CDH23: variants seen among roughly 807,000 people sequenced by gnomAD.
CDH23 encodes the protein cadherin related 23.
A neutral mutation model predicts 317.1 loss-of-function variants in CDH23; 189 were observed. That is an observed-to-expected ratio of 0.60 (90% CI 0.53 to 0.67). The LOEUF (loss-of-function observed/expected upper bound fraction) is 0.67, where lower values mean the gene tolerates loss of function less well. Ranked by LOEUF, CDH23 falls within the 30% of genes least tolerant of loss-of-function variation. CDH23 has a pLI of 0.00. For synonymous variants in CDH23, 1,839 were observed against 1,876.8 expected (o/e 0.98, Z 0.52); for missense variants, 4,401 against 4,592.4 (o/e 0.96, Z 1.20).
chr10:71,575,147 G>A (rs1403667823), intron 8 of CDH23, among the ~76,000 whole-genome samples: 1 of 152,222 alleles, frequency 6.6e-6, no homozygotes, highest in East Asian at 1.9e-4. Flanking sequence ...ACAATGCACA[G>A]AAAGCCACTT....
At chr10:71,798,094 A>G (rs1043524870) in intron 49 of CDH23, among the ~76,000 whole-genome samples, 6 of 152,108 alleles carry the variant, frequency 3.9e-5, no homozygotes, top group Admixed American at 1.3e-4. Flanking sequence ...TTTCTCATTG[A>G]GCAGTTTAGG....
intron 38 of CDH23, among the ~76,000 whole-genome samples, chr10:71,763,553 A>T (rs1306314985): frequency 6.6e-6 from 1 of 152,194 alleles, no homozygotes; most frequent in Non-Finnish European, 1.5e-5. Flanking sequence ...CCCAGCCAGG[A>T]GGGAGGCAGC....
At position 71,815,193 on chromosome 10, in the gene CDH23, C is replaced by T. The variant is rs1393090121; in HGVS notation, c.9980C>T (p.Ala3327Val). ...GAGGCCACTGCCTTCGAGCGCAACGCCCGCACAGAATCCGCCAAATCCACA... is the reference window on the plus strand; with the variant it reads ...GAGGCCACTGCCTTCGAGCGCAACGTCCGCACAGAATCCGCCAAATCCACA... Reference protein sequence around the residue: ...AAEATAFERNARTESAKSTPL... With the variant: ...AAEATAFERNVRTESAKSTPL... Residue 3327 changes from alanine to valine, a missense_variant, in exon 70 of 70, where the codon GCC (alanine) becomes GTC (valine). Transcript: ENST00000224721. The T allele has an allele frequency of 6.2e-7, 1 of 1,608,458 alleles. No homozygotes were observed. The highest frequency in any genetic ancestry group is 1.7e-5 in the Admixed American group (1 of 59,846).
At chr10:71,462,365 G>A (rs993910303) in intron 3 of CDH23, among the ~76,000 whole-genome samples, 19 of 152,336 alleles carry the variant, frequency 1.2e-4, no homozygotes, top group African/African-American at 4.1e-4. Flanking sequence ...GCGCCCCACC[G>A]CCATCTGCTT....
chr10:71,558,589 T>C (rs950058736), intron 6 of CDH23, among the ~76,000 whole-genome samples: 1 of 152,206 alleles, frequency 6.6e-6, no homozygotes, highest in Non-Finnish European at 1.5e-5. Flanking sequence ...CTGTCTTTCA[T>C]GTTAGAGGCT....
intron 14 of CDH23, among the ~76,000 whole-genome samples, chr10:71,656,164 G>A (rs1863408058): frequency 6.6e-6 from 1 of 152,210 alleles, no homozygotes; most frequent in Non-Finnish European, 1.5e-5. Context: ...GTAGGGAGGT[G>A]TAATGGCCAC....
At position 71,420,197 on chromosome 10, in the gene CDH23, A is replaced by G. The variant is rs184088170; in HGVS notation, c.-5-19630A>G. Among the ~76,000 whole-genome samples, 14 of 152,104 alleles carry G rather than the reference A, an allele frequency of 9.2e-5. No homozygotes were observed. In the South Asian group the frequency reaches 1.0e-3, roughly 11 times the overall value. On this transcript the variant is annotated intron_variant, in intron 1 of 69. Transcript: ENST00000224721. ...TCCTTTCTCTTTTCTAAAATACCAA[A>G]TTATCTTTTTTTTTCACTTTTATTT...
chr10:71,785,311 A>G lies in CDH23; in HGVS notation c.5712+211A>G, dbSNP rs1360209448. Among the ~76,000 whole-genome samples the G allele has an allele frequency of 2.0e-5, 3 of 152,220 alleles. No individual in the cohort carries two copies. The East Asian group carries it at 5.8e-4, about 29-fold the overall frequency. Reference sequence around the variant, plus strand: ...CCTAGAGCCAGCCCTGAAGCTTGTCATGTGCAGAGATGGGGCCAGAGCCTG... The same window carrying G: ...CCTAGAGCCAGCCCTGAAGCTTGTCGTGTGCAGAGATGGGGCCAGAGCCTG... On this transcript the variant is annotated intron_variant, in intron 43 of 69. Transcript: ENST00000224721.
chr10:71,557,340 C>G (rs1856920876), intron 6 of CDH23, among the ~76,000 whole-genome samples: 1 of 152,092 alleles, frequency 6.6e-6, no homozygotes, highest in African/African-American at 2.4e-5. Context: ...ATTTGATTTT[C>G]ATTTTTCTTA....
chr10:71,576,276 C>A (rs1487871927), intron 8 of CDH23, among the ~76,000 whole-genome samples: 1 of 152,234 alleles, frequency 6.6e-6, no homozygotes, highest in African/African-American at 2.4e-5. Context: ...TGCTTAGTGA[C>A]TCTCTGGGGT....
rs944405088 is a variant in CDH23 at position 71,726,671 on chromosome 10, G to A, written c.3579+1151G>A. Among the ~76,000 whole-genome samples the A allele has an allele frequency of 3.9e-5, 6 of 152,242 alleles. No homozygotes were observed. The South Asian group carries it at 1.2e-3, about 31-fold the overall frequency. Reference sequence around the variant, plus strand: ...CATAGCCATGCTGGCTTGCATGACTGTGAATCTTATTCGTGGGCTGGTCAG... The same window carrying A: ...CATAGCCATGCTGGCTTGCATGACTATGAATCTTATTCGTGGGCTGGTCAG... On this transcript the variant is annotated intron_variant, in intron 30 of 69. Coordinates refer to ENST00000224721, the MANE Select transcript of CDH23 (RefSeq NM_022124.6).
intron 50 of CDH23, 67 bp from the exon 51 acceptor site, chr10:71,799,044 T>C: frequency 6.7e-7 from 1 of 1,486,738 alleles, no homozygotes; most frequent in Non-Finnish European, 9.2e-7. Flanking sequence ...GTCTTTCTCC[T>C]CATACTTTGG....
At chr10:71,657,399 T>C (rs187139397) in intron 14 of CDH23, among the ~76,000 whole-genome samples, 18 of 152,360 alleles carry the variant, frequency 1.2e-4, no homozygotes, top group Admixed American at 1.2e-3. Context: ...ATGCCTGCTG[T>C]GTCAGACCTC....
intron 28 of CDH23, among the ~76,000 whole-genome samples, chr10:71,718,299 C>T (rs1866383246): frequency 6.6e-6 from 1 of 152,360 alleles, no homozygotes; most frequent in East Asian, 1.9e-4. Flanking sequence ...AGCCGCAGGA[C>T]CTCACTCCTG....
At chr10:71,687,812 A>G in intron 19 of CDH23, 93 bp downstream of exon 19, 1 of 1,187,536 alleles carries the variant, frequency 8.4e-7, no homozygotes, top group Non-Finnish European at 1.2e-6. Flanking sequence ...TCTGCACACA[A>G]ATTGTGGGAG....
chr10:71,617,500 G>T, intron 11 of CDH23, 107 bp downstream of exon 11: 1 of 1,521,554 alleles, frequency 6.6e-7, no homozygotes, highest in South Asian at 1.2e-5. Context: ...AAACATTGCG[G>T]CACCCCACTC....
At chr10:71,759,874 C>T (rs111872372) in intron 38 of CDH23, among the ~76,000 whole-genome samples, 5 of 70,268 alleles carry the variant, frequency 7.1e-5, no homozygotes, top group Admixed American at 1.6e-4. Flanking sequence ...CATATATATA[C>T]ACACACACAC....
Position 71,734,317 on chromosome 10 carries a change from C to T in CDH23, c.4182C>T (p.Gly1394=), listed in dbSNP as rs777502746. 9.3e-6 allele frequency: 15 copies of T among 1,610,812 alleles called. No homozygotes were observed. The highest frequency in any genetic ancestry group is 3.3e-5 in the South Asian group (3 of 90,374). The change falls in exon 33 of 70, where the codon GGC becomes GGT. Residue 1394 remains glycine (G), a synonymous_variant. Coordinates refer to ENST00000224721, the MANE Select transcript of CDH23 (RefSeq NM_022124.6). ...CCTTGACAGTGGTGGCAGATGACGGCGGCCCCAAGGTGGACTCCACCGTGG... is the reference window on the plus strand; with the variant it reads ...CCTTGACAGTGGTGGCAGATGACGGTGGCCCCAAGGTGGACTCCACCGTGG... The part of the protein sequence containing the change: ...FYTLTVVADD[G]GPKVDSTVKV...
chr10:71,648,886 G>A (rs1439365889), intron 14 of CDH23, among the ~76,000 whole-genome samples: 2 of 152,102 alleles, frequency 1.3e-5, no homozygotes, highest in Non-Finnish European at 2.9e-5. Context: ...AAAGGTGAGG[G>A]CCCATTTCAT....
Sources: allele counts gnomAD v4.1 joint callset (sites outside exome capture counted in the v4.1 genomes callset), GRCh38; gene constraint gnomAD v4.1.1; transcripts MANE v1.5; gene names NCBI Gene and HGNC (gene_info 2026-07-23, HGNC 2026-07-21).